Variants in KIAA0408 observed in about 807,000 individuals in gnomAD.
KIAA0408 encodes the protein uncharacterized protein KIAA0408.
In KIAA0408, 51 loss-of-function variants were observed where a neutral mutation model predicts 60.9. The ratio of observed to expected loss-of-function variants is 0.84; its 90% CI spans 0.67 to 1.06. KIAA0408 has a LOEUF of 1.06. KIAA0408 is among the 50% of genes least tolerant of loss of function. The pLI, the probability that KIAA0408 is intolerant of heterozygous loss-of-function variation, is 0.00. For synonymous variants in KIAA0408, 304 were observed against 282.4 expected, an observed-to-expected ratio of 1.08 and a Z score of -0.77; for missense variants, 787 against 833.9, an observed-to-expected ratio of 0.94 and a Z score of 0.69.
At position 127,450,257 on chromosome 6, in the gene KIAA0408, C is replaced by G. The variant is rs776635858; in HGVS notation, c.231G>C (p.Val77=). Residue 77 remains valine, a synonymous_variant, in exon 3 of 6, where the codon GTG becomes GTC. Transcript: ENST00000483725. ...LYHEKTIPEK[V]IESSPNYPDL... ...CGGGGTAATTTGGGGAAGATTCTAT[C>G]ACTTTCTCTGGAATGGTCTTCTCAT... 3 of 1,613,886 alleles carry G rather than the reference C, an allele frequency of 1.9e-6. No homozygotes were observed. Among genetic ancestry groups the G allele is most frequent in the Non-Finnish European group, 2.5e-6 (3 of 1,179,978 alleles).
Position 127,439,426 on chromosome 6 carries a change from A to G in KIAA0408, c.*4683T>C, listed in dbSNP as rs964988183. On this transcript the variant is annotated 3_prime_UTR_variant, in exon 6 of 6. Coordinates refer to ENST00000483725, the MANE Select transcript of KIAA0408 (RefSeq NM_014702.5). ...TATAAAATCAGAGCATAGGCATTAAAAGTGGAAATATTTTGTTAAAGCCTT... is the reference window on the plus strand; with the variant it reads ...TATAAAATCAGAGCATAGGCATTAAGAGTGGAAATATTTTGTTAAAGCCTT... 6.6e-6 allele frequency: 1 copy of G among 152,184 alleles called. No homozygotes were observed. Among genetic ancestry groups the G allele is most frequent in the Non-Finnish European group, 1.5e-5 (1 of 68,036 alleles). The allele number at this position is 152,184 out of a possible 1,614,324, so 9.4% of individuals were successfully genotyped here.
In KIAA0408 at chr6:127,446,666, C is replaced by A. The variant is rs759895913; in HGVS notation, c.1653G>T (p.Pro551=). The change falls in exon 5 of 6, where the codon CCG becomes CCT. Residue 551 remains proline (P), a synonymous_variant. Transcript: ENST00000483725. The part of the protein sequence containing the change: ...DWRPSNLSGR[P]RSADPRSNYG... Reference sequence around the variant, plus strand: ...AATTTGACCTGGGATCAGCTGACCTCGGACGGCCAGACAAATTACTCGGTC... The same window carrying A: ...AATTTGACCTGGGATCAGCTGACCTAGGACGGCCAGACAAATTACTCGGTC... The A allele has an allele frequency of 3.1e-6, 5 of 1,613,934 alleles. No individual in the cohort carries two copies. Among genetic ancestry groups the A allele is most frequent in the Non-Finnish European group, 4.2e-6 (5 of 1,179,978 alleles).
intron 2 of KIAA0408, among the ~76,000 whole-genome samples, chr6:127,452,910 T>A (rs1262466992): frequency 6.6e-6 from 1 of 152,040 alleles, no homozygotes; most frequent in Non-Finnish European, 1.5e-5. Context: ...TCAGCTCTAT[T>A]TTAGAGGAAG....
rs1057491467 is a variant in KIAA0408 at position 127,443,145 on chromosome 6, T to C, written c.*964A>G. The C allele has an allele frequency of 6.6e-6, 1 of 152,206 alleles. No individual in the cohort carries two copies. Among genetic ancestry groups the C allele is most frequent in the African/African-American group, 2.4e-5 (1 of 41,466 alleles). The allele number at this position is 152,206 out of a possible 1,614,324, so 9.4% of individuals were successfully genotyped here. A position where few individuals can be genotyped will look rare whatever the true frequency, so the allele number is the denominator to read the frequency against. ...AAAAAAATAATAAATGACTTACCTC[T>C]AAGTATGTATGACTCCATGTTAAAG... is the stretch of plus-strand genomic sequence containing the variant. On this transcript the variant is annotated 3_prime_UTR_variant, in exon 6 of 6. Coordinates refer to ENST00000483725, the MANE Select transcript of KIAA0408 (RefSeq NM_014702.5).
At chr6:127,445,597 G>A (rs1773177750) in intron 5 of KIAA0408, among the ~76,000 whole-genome samples, 1 of 152,034 alleles carries the variant, frequency 6.6e-6, no homozygotes, top group South Asian at 2.1e-4. Context: ...CTGAAGTATT[G>A]GTTAATAACA....
intron 2 of KIAA0408, among the ~76,000 whole-genome samples, chr6:127,451,914 TTATTC>T (rs1773308785): frequency 1.3e-5 from 2 of 152,126 alleles, no homozygotes; most frequent in African/African-American, 4.8e-5. Context: ...GGTTATCTGA[TTATTC>T]TACCAAAGGA....
chr6:127,449,559 G>A (rs1773263202), intron 4 of KIAA0408, among the ~76,000 whole-genome samples: 1 of 152,134 alleles, frequency 6.6e-6, no homozygotes, highest in African/African-American at 2.4e-5. Context: ...GACTGAGGTA[G>A]GAGAATCGCT....
chr6:127,452,515 A>T (rs1773318550), intron 2 of KIAA0408, among the ~76,000 whole-genome samples: 1 of 152,206 alleles, frequency 6.6e-6, no homozygotes, highest in Non-Finnish European at 1.5e-5. Flanking sequence ...TTTACCATAG[A>T]TGAACTCTAT....
At chr6:127,448,359 A>G (rs1209634354) in intron 4 of KIAA0408, among the ~76,000 whole-genome samples, 2 of 152,186 alleles carry the variant, frequency 1.3e-5, no homozygotes, top group Non-Finnish European at 2.9e-5. Context: ...GAAAATGAGT[A>G]CTTTGATATG....
rs1583066600 is a variant in KIAA0408, at chr6:127,446,653, G to C, written c.1666C>G (p.Pro556Ala). The C allele has an allele frequency of 6.2e-7, 1 of 1,614,022 alleles. No homozygotes were observed. The highest frequency in any genetic ancestry group is 8.5e-7 in the Non-Finnish European group (1 of 1,180,012). The change falls in exon 5 of 6, where the codon CCC becomes GCC. Residue 556 changes from proline to alanine, a missense_variant. This residue lies in a region of KIAA0408 where 640 missense variants were observed against 681.3 expected (regional missense o/e 0.94). Coordinates refer to ENST00000483725, the MANE Select transcript of KIAA0408 (RefSeq NM_014702.5). ...TCCACAACACCATAATTTGACCTGGGATCAGCTGACCTCGGACGGCCAGAC... is the reference window on the plus strand; with the variant it reads ...TCCACAACACCATAATTTGACCTGGCATCAGCTGACCTCGGACGGCCAGAC... ...NLSGRPRSAD[P>A]RSNYGVVEKL...
chr6:127,446,666 C>T lies in KIAA0408; in HGVS notation c.1653G>A (p.Pro551=), dbSNP rs759895913. The part of the protein sequence containing the change: ...DWRPSNLSGR[P]RSADPRSNYG... ...AATTTGACCTGGGATCAGCTGACCT[C>T]GGACGGCCAGACAAATTACTCGGTC... Residue 551 remains proline, a synonymous_variant, in exon 5 of 6, where the codon CCG becomes CCA. Coordinates refer to ENST00000483725, the MANE Select transcript of KIAA0408 (RefSeq NM_014702.5). 7.4e-6 allele frequency: 12 copies of T among 1,613,816 alleles called. No individual in the cohort carries two copies. The highest frequency in any genetic ancestry group is 8.5e-6 in the Non-Finnish European group (10 of 1,179,986).
intron 1 of KIAA0408, among the ~76,000 whole-genome samples, chr6:127,457,854 C>T (rs1327508650): frequency 6.6e-6 from 1 of 152,216 alleles, no homozygotes; most frequent in African/African-American, 2.4e-5. Context: ...CTTTCAACCT[C>T]CAACTCGCCC....
At chr6:127,454,554 T>G (rs2114804593) in intron 1 of KIAA0408, among the ~76,000 whole-genome samples, 1 of 152,264 alleles carries the variant, frequency 6.6e-6, no homozygotes, top group Non-Finnish European at 1.5e-5. Flanking sequence ...GTTTGCAGTC[T>G]TAATTCTATA....
chr6:127,446,450 TC>T lies in KIAA0408; in HGVS notation c.1868del (p.Gly623AspfsTer4). 6.2e-7 allele frequency: 1 copy of T among 1,612,868 alleles called. No individual in the cohort carries two copies. On this transcript the variant is annotated frameshift_variant, in exon 5 of 6. Transcript: ENST00000483725. LOFTEE classifies it high-confidence loss of function. The stretch of plus-strand genomic sequence containing the variant: ...GATCTATTCCTTGCTTCACTTCCTG[TC>T]CCCCCCACACAGCTGTCTTTTGCTG... The part of the protein sequence containing the change: ...QFQQKTAVWG[G>X]QEVKQGIDPK...
At position 127,447,401 on chromosome 6, in the gene KIAA0408, T is replaced by C. The variant is rs1773220377; in HGVS notation, c.918A>G (p.Lys306=). The stretch of plus-strand genomic sequence containing the variant: ...AAGGGAAGTGAGGGTTGTAATTCCT[T>C]TTACTTCGACCCTCATGGGGCACCC... ...NSWVPHEGRS[K]RNYNPHFPLR... Residue 306 remains lysine (K), a synonymous_variant, in exon 5 of 6, where the codon AAA becomes AAG. Coordinates refer to ENST00000483725, the MANE Select transcript of KIAA0408 (RefSeq NM_014702.5). 6.2e-7 allele frequency: 1 copy of C among 1,613,294 alleles called. No homozygotes were observed. Among genetic ancestry groups the C allele is most frequent in the Non-Finnish European group, 8.5e-7 (1 of 1,179,760 alleles).
chr6:127,458,598 A>C (rs904847853), intron 1 of KIAA0408, among the ~76,000 whole-genome samples: 1 of 152,348 alleles, frequency 6.6e-6, no homozygotes, highest in African/African-American at 2.4e-5. Context: ...AAAACTAACC[A>C]TCGTGAACAA....
At chr6:127,455,835 A>G (rs1773382791) in intron 1 of KIAA0408, among the ~76,000 whole-genome samples, 1 of 152,108 alleles carries the variant, frequency 6.6e-6, no homozygotes, top group Non-Finnish European at 1.5e-5. Flanking sequence ...TCTTTCCCAC[A>G]TATAAACCAG....
rs777220686 is a variant in KIAA0408, at chr6:127,449,890, T to C, written c.510A>G (p.Glu170=). The C allele has an allele frequency of 1.2e-6, 2 of 1,614,030 alleles. No individual in the cohort carries two copies. Among genetic ancestry groups the C allele is most frequent in the South Asian group, 1.1e-5 (1 of 91,070 alleles). The change falls in exon 4 of 6, where the codon GAA becomes GAG. Residue 170 remains glutamate (E), a synonymous_variant. Coordinates refer to ENST00000483725, the MANE Select transcript of KIAA0408 (RefSeq NM_014702.5). The part of the protein sequence containing the change: ...CSGALSTALE[E]LAKVSEELCS... ...ATAATTCTTCACTCACCTTCGCAAG[T>C]TCTTCAAGAGCCTTTACACATATAA...
intron 2 of KIAA0408, among the ~76,000 whole-genome samples, chr6:127,451,916 A>T (rs1773308850): frequency 6.6e-6 from 1 of 152,144 alleles, no homozygotes. Context: ...TTATCTGATT[A>T]TTCTACCAAA....
Sources: gnomAD v4.1 joint callset for allele counts (sites outside exome capture counted in the v4.1 genomes callset) on GRCh38, gnomAD v4.1.1 for gene constraint, gnomAD v4.1.1 regional missense constraint, MANE v1.5 for transcripts, NCBI Gene and HGNC (gene_info 2026-07-23, HGNC 2026-07-21) for gene names.